KLHL29: variants seen among roughly 807,000 people sequenced by gnomAD.
KLHL29 encodes kelch-like protein 29.
KLHL29 carries 21 observed loss-of-function variants against 80.4 expected under a neutral mutation model. The ratio of observed to expected loss-of-function variants is 0.26; its 90% CI spans 0.19 to 0.38. The LOEUF is 0.38. KLHL29 is among the 10% of genes least tolerant of loss of function. The pLI is 1.00. For synonymous variants in KLHL29, 511 were observed against 526.8 expected (o/e 0.97, Z 0.41); for missense variants, 867 against 1,223.9 (o/e 0.71, Z 4.35).
intron 5 of KLHL29, among the ~76,000 whole-genome samples, chr2:23,648,624 C>G (rs1289017304): frequency 6.6e-6 from 1 of 152,224 alleles, no homozygotes; most frequent in Non-Finnish European, 1.5e-5. Context: ...CCTACCTCCC[C>G]TCAGGGGCTT....
At chr2:23,403,728 T>A (rs9798143) in intron 1 of KLHL29, among the ~76,000 whole-genome samples, 41,593 of 87,296 alleles carry the variant, frequency 0.48, 6,955 homozygotes, top group South Asian at 0.57. Context: ...AGAGAGAGAG[T>A]GTGTGTGTGT....
At chr2:23,678,484 C>T (rs1243533419) in intron 5 of KLHL29, among the ~76,000 whole-genome samples, 10 of 152,192 alleles carry the variant, frequency 6.6e-5, no homozygotes, top group Non-Finnish European at 8.8e-5. Flanking sequence ...TGAGAGACCA[C>T]GTGGAGCAGA....
At chr2:23,407,085 C>T (rs560595230) in intron 1 of KLHL29, among the ~76,000 whole-genome samples, 1 of 152,236 alleles carries the variant, frequency 6.6e-6, no homozygotes, top group South Asian at 2.1e-4. Flanking sequence ...TCTTAAAAGA[C>T]CATGTTTCAT....
chr2:23,423,484 G>A (rs750576684), intron 1 of KLHL29, among the ~76,000 whole-genome samples: 9 of 152,324 alleles, frequency 5.9e-5, no homozygotes, highest in East Asian at 1.9e-4. Context: ...GTCACAGTCC[G>A]TGCCTTGTCC....
intron 5 of KLHL29, among the ~76,000 whole-genome samples, chr2:23,650,253 G>A (rs1423247344): frequency 7.9e-5 from 12 of 152,250 alleles, no homozygotes; most frequent in Non-Finnish European, 1.8e-4. Context: ...TAAGGGGACA[G>A]TGAGTGGTTC....
chr2:23,570,099 C>A (rs1282572948), intron 3 of KLHL29, among the ~76,000 whole-genome samples: 1 of 152,174 alleles, frequency 6.6e-6, no homozygotes, highest in African/African-American at 2.4e-5. Context: ...GAATCTGCCT[C>A]TCTAGAACCC....
chr2:23,618,960 A>G (rs1669096010), intron 3 of KLHL29, among the ~76,000 whole-genome samples: 1 of 152,232 alleles, frequency 6.6e-6, no homozygotes, highest in South Asian at 2.1e-4. Context: ...GTGAATAGAA[A>G]TGAGGATGCC....
At chr2:23,687,846 A>G (rs999805906) in intron 6 of KLHL29, among the ~76,000 whole-genome samples, 4 of 152,144 alleles carry the variant, frequency 2.6e-5, no homozygotes, top group African/African-American at 9.7e-5. Flanking sequence ...GAGGGAGGCT[A>G]GACCTGGGTC....
intron 2 of KLHL29, among the ~76,000 whole-genome samples, chr2:23,521,493 C>T (rs753840167): frequency 4.6e-5 from 7 of 152,214 alleles, no homozygotes; most frequent in Admixed American, 6.5e-5. Flanking sequence ...CCCCTAGGTC[C>T]ATGTGCTGCA....
At chr2:23,645,175 T>C (rs1669886321) in intron 5 of KLHL29, among the ~76,000 whole-genome samples, 1 of 152,220 alleles carries the variant, frequency 6.6e-6, no homozygotes, top group Non-Finnish European at 1.5e-5. Context: ...CCTTTATTGC[T>C]GAAGCTATAA....
chr2:23,613,856 A>G (rs983533206), intron 3 of KLHL29, among the ~76,000 whole-genome samples: 2 of 151,954 alleles, frequency 1.3e-5, no homozygotes, highest in Non-Finnish European at 2.9e-5. Flanking sequence ...TGAAAGGAAA[A>G]TAAATCTTGG....
chr2:23,676,012 G>T (rs1670909648), intron 5 of KLHL29, among the ~76,000 whole-genome samples: 1 of 152,164 alleles, frequency 6.6e-6, no homozygotes, highest in Non-Finnish European at 1.5e-5. Context: ...AGAGAGAAAA[G>T]CCCTCCAGAA....
At chr2:23,492,886 G>A (rs543409489) in intron 2 of KLHL29, among the ~76,000 whole-genome samples, 7 of 152,206 alleles carry the variant, frequency 4.6e-5, no homozygotes, top group East Asian at 1.9e-4. Flanking sequence ...ACGATACTAC[G>A]ATGCAGCCCA....
intron 2 of KLHL29, among the ~76,000 whole-genome samples, chr2:23,520,865 T>C (rs7602557): frequency 0.62 from 93,809 of 152,046 alleles, 29,107 homozygotes; most frequent in Non-Finnish European, 0.65. Context: ...ATCTGTCTTT[T>C]CTCCCCAAAT....
At position 23,634,447 on chromosome 2, in the gene KLHL29, T is replaced by G. The variant is rs551578581; in HGVS notation, c.286-4692T>G. On this transcript the variant is annotated intron_variant, in intron 3 of 13. Transcript: ENST00000486442. ...CTGCCAGATCGAATCCTGCCTAGCT[T>G]TTGTGGCCCAGGCCCAGCCCATCTC... 6.4e-4 allele frequency among the ~76,000 whole-genome samples: 97 copies of G among 152,262 alleles called. 1 individual carries two copies. The highest frequency in any genetic ancestry group is 2.2e-3 in the African/African-American group (93 of 41,532).
At chr2:23,587,287 G>A (rs182245382) in intron 3 of KLHL29, among the ~76,000 whole-genome samples, 24 of 145,696 alleles carry the variant, frequency 1.6e-4, no homozygotes, top group African/African-American at 3.6e-4. Context: ...GGTGCTGTTC[G>A]TTGATATTTG....
intron 1 of KLHL29, among the ~76,000 whole-genome samples, chr2:23,394,189 A>T (rs1192203717): frequency 6.6e-6 from 1 of 152,224 alleles, no homozygotes; most frequent in African/African-American, 2.4e-5. Flanking sequence ...AACAAAAAAC[A>T]AAAACAATCT....
chr2:23,605,287 G>A (rs114088839), intron 3 of KLHL29, among the ~76,000 whole-genome samples: 4,653 of 151,760 alleles, frequency 0.031, 100 homozygotes, highest in Middle Eastern at 0.068. Flanking sequence ...TTGAAGAGAC[G>A]AGGTCTCACT....
chr2:23,517,317 G>A (rs1365113485), intron 2 of KLHL29, among the ~76,000 whole-genome samples: 2 of 152,234 alleles, frequency 1.3e-5, no homozygotes, highest in Non-Finnish European at 2.9e-5. Context: ...GGCCGAGGCG[G>A]GTGGATCATG....
Sources: allele counts gnomAD v4.1 joint callset (sites outside exome capture counted in the v4.1 genomes callset), GRCh38; gene constraint gnomAD v4.1.1; transcripts MANE v1.5; gene names NCBI Gene and HGNC (gene_info 2026-07-23, HGNC 2026-07-21).